Variants in STK17B observed in about 807,000 individuals in gnomAD.
The protein encoded by STK17B is serine/threonine kinase 17b.
STK17B carries 21 observed loss-of-function variants against 42.0 expected under a neutral mutation model. That is an observed-to-expected ratio of 0.50 (90% CI 0.35 to 0.72). The LOEUF is 0.72. Ranked by LOEUF, STK17B falls within the 30% of genes least tolerant of loss-of-function variation. The probability of loss-of-function intolerance (pLI) is 0.00; values close to 1 mark genes in which losing one functional copy is unlikely to be tolerated. For missense variants in STK17B, 349 were observed against 446.0 expected (o/e 0.78, Z 1.96); for synonymous variants, 143 against 148.4 (o/e 0.96, Z 0.26).
chr2:196,148,260 C>T (rs1261016356), intron 3 of STK17B, among the ~76,000 whole-genome samples: 1 of 152,176 alleles, frequency 6.6e-6, no homozygotes, highest in African/African-American at 2.4e-5. Flanking sequence ...ATTCATTTCT[C>T]ACACCCCTTC....
At chr2:196,141,839 G>C (rs1362852536) in intron 5 of STK17B, among the ~76,000 whole-genome samples, 1 of 152,012 alleles carries the variant, frequency 6.6e-6, no homozygotes, top group Non-Finnish European at 1.5e-5. Flanking sequence ...GGAGTAATTA[G>C]TGGCTAGGTA....
chr2:196,173,873 T>C (rs1699975259), upstream of STK17B, among the ~76,000 whole-genome samples: 1 of 152,084 alleles, frequency 6.6e-6, no homozygotes, highest in Non-Finnish European at 1.5e-5. Context: ...AGTATGACCG[T>C]ATGTGGAGAT....
At chr2:196,143,317 CACAA>C (rs1260227607) in intron 5 of STK17B, among the ~76,000 whole-genome samples, 1 of 152,140 alleles carries the variant, frequency 6.6e-6, no homozygotes, top group Non-Finnish European at 1.5e-5. Context: ...ATCCTTTATA[CACAA>C]ACATTCAACT....
In STK17B at chr2:196,137,568, G is replaced by A; in HGVS notation, c.998C>T (p.Thr333Ile). Residue 333 changes from threonine (T) to isoleucine (I), a missense_variant, in exon 8 of 8, where the codon ACC becomes ATC. Transcript: ENST00000263955. ...CTCTTTGTCTTCTCTATCACCACAGGTTCCATTACAGGAGGATTTAGAAGT... is the reference window on the plus strand; with the variant it reads ...CTCTTTGTCTTCTCTATCACCACAGATTCCATTACAGGAGGATTTAGAAGT... Reference protein sequence around the residue: ...DKTSKSSCNGTCGDREDKENI... With the variant: ...DKTSKSSCNGICGDREDKENI... 6.2e-7 allele frequency: 1 copy of A among 1,614,092 alleles called. No homozygotes were observed. Among genetic ancestry groups the A allele is most frequent in the Non-Finnish European group, 8.5e-7 (1 of 1,180,008 alleles).
chr2:196,173,871 C>G (rs570425752), upstream of STK17B, among the ~76,000 whole-genome samples: 14 of 151,948 alleles, frequency 9.2e-5, no homozygotes, highest in Non-Finnish European at 1.9e-4. Flanking sequence ...AGAGTATGAC[C>G]GTATGTGGAG....
chr2:196,174,857 T>C (rs1296688019), upstream of STK17B, among the ~76,000 whole-genome samples: 1 of 152,234 alleles, frequency 6.6e-6, no homozygotes, highest in East Asian at 1.9e-4. Context: ...GCTAGTTTTG[T>C]CTGATGAGAG....
At chr2:196,156,379 T>C (rs1225524959) in intron 3 of STK17B, 60 bp downstream of exon 3, 6 of 1,326,572 alleles carry the variant, frequency 4.5e-6, no homozygotes, top group Admixed American at 2.6e-5. Context: ...ATTCTTATTC[T>C]TGACATTTTA....
chr2:196,148,983 TC>T (rs931973276), intron 3 of STK17B, among the ~76,000 whole-genome samples: 2 of 152,200 alleles, frequency 1.3e-5, no homozygotes, highest in African/African-American at 4.8e-5. Context: ...AAAATGTGCC[TC>T]TGTTTCTTCT....
In STK17B at chr2:196,156,565, C is replaced by T. The variant is rs1241154913; in HGVS notation, c.209G>A (p.Gly70Glu). The change falls in exon 3 of 8, where the codon GGA (glycine) becomes GAA (glutamate). Residue 70 changes from glycine to glutamate, a missense_variant. Physicochemically the swap from Gly to Glu is moderately conservative, Grantham distance 98 (BLOSUM62 -2). Transcript: ENST00000263955. ...AAKFLKKRRR[G>E]QDCRAEILHE... ...TAAAATTTCTGCTCGACAATCCTGT[C>T]CTCTTCTTCTCTTTTTTAGAAATTT... The T allele has an allele frequency of 6.2e-7, 1 of 1,614,058 alleles. No homozygotes were observed. Among genetic ancestry groups the T allele is most frequent in the Non-Finnish European group, 8.5e-7 (1 of 1,179,980 alleles).
chr2:196,152,131 A>C (rs2105695675), intron 3 of STK17B, among the ~76,000 whole-genome samples: 1 of 148,316 alleles, frequency 6.7e-6, no homozygotes, highest in South Asian at 2.1e-4. Flanking sequence ...TTTTGAGACG[A>C]AGTCTCGCTC....
At chr2:196,141,910 G>C (rs1207349623) in intron 5 of STK17B, among the ~76,000 whole-genome samples, 3 of 103,066 alleles carry the variant, frequency 2.9e-5, no homozygotes, top group African/African-American at 1.0e-4. Flanking sequence ...AACTCTGGAA[G>C]CTAGAATTTA....
chr2:196,162,782 T>G (rs1047934358), intron 2 of STK17B, among the ~76,000 whole-genome samples: 1 of 151,798 alleles, frequency 6.6e-6, no homozygotes. Flanking sequence ...CCCAGCTACT[T>G]AGGAGGCTGA....
chr2:196,143,870 C>T (rs922764473), intron 4 of STK17B, among the ~76,000 whole-genome samples, 184 bp from the exon 5 acceptor site: 1 of 152,092 alleles, frequency 6.6e-6, no homozygotes, highest in African/African-American at 2.4e-5. Context: ...AAGCCAAAAA[C>T]ACACCCAAAA....
intron 6 of STK17B, among the ~76,000 whole-genome samples, chr2:196,140,920 C>G (rs759985385): frequency 6.6e-6 from 1 of 152,158 alleles, no homozygotes. Flanking sequence ...CGGCAATGGA[C>G]TGTCTGCTGC....
At chr2:196,151,325 G>A (rs1699663109) in intron 3 of STK17B, 1 of 150,766 alleles carries the variant, frequency 6.6e-6, no homozygotes. Context: ...CTCACTGCAA[G>A]CTCCGCCTCC....
At chr2:196,171,803 G>C (rs1362145728), upstream of STK17B, among the ~76,000 whole-genome samples, 3 of 149,536 alleles carry the variant, frequency 2.0e-5, no homozygotes, top group East Asian at 3.9e-4. Flanking sequence ...GCGCAGGTGG[G>C]GCGCACTCGG....
intron 7 of STK17B, among the ~76,000 whole-genome samples, chr2:196,139,281 T>C (rs1437133248): frequency 6.6e-6 from 1 of 152,196 alleles, no homozygotes; most frequent in Non-Finnish European, 1.5e-5. Flanking sequence ...CATTAAACTG[T>C]AAATCATTTA....
At chr2:196,170,014 G>C (rs1699919704) in intron 1 of STK17B, among the ~76,000 whole-genome samples, 1 of 152,134 alleles carries the variant, frequency 6.6e-6, no homozygotes, top group Non-Finnish European at 1.5e-5. Flanking sequence ...GAGGATCCGA[G>C]GCAGATGAGT....
At chr2:196,143,838 A>G in intron 4 of STK17B, 152 bp from the exon 5 acceptor site, 1 of 690,564 alleles carries the variant, frequency 1.4e-6, no homozygotes, top group Non-Finnish European at 2.1e-6. Flanking sequence ...ACTTAGGCGG[A>G]GCTATTATTC....
Sources: gnomAD v4.1 joint callset for allele counts (sites outside exome capture counted in the v4.1 genomes callset) on GRCh38, gnomAD v4.1.1 for gene constraint, MANE v1.5 for transcripts, NCBI Gene and HGNC (gene_info 2026-07-23, HGNC 2026-07-21) for gene names.